Variants in VXN observed in about 807,000 individuals in gnomAD.
VXN encodes vexin, also known as uncharacterized protein C8orf46.
A neutral mutation model predicts 23.1 loss-of-function variants in VXN; 7 were observed. The observed-to-expected ratio is 0.30, with a 90% CI of 0.17 to 0.57. VXN has a LOEUF of 0.57. Ranked by LOEUF, VXN falls within the 20% of genes least tolerant of loss-of-function variation. VXN has a pLI of 0.91. For missense variants in VXN, 238 were observed against 272.6 expected, an observed-to-expected ratio of 0.87 and a Z score of 0.89; for synonymous variants, 120 against 105.8, an observed-to-expected ratio of 1.13 and a Z score of -0.83.
chr8:66,502,917 G>A (rs528309316), intron 2 of VXN, among the ~76,000 whole-genome samples: 1 of 151,216 alleles, frequency 6.6e-6, no homozygotes, highest in African/African-American at 2.4e-5. Flanking sequence ...CATGATCAAA[G>A]CTCACTACAG....
intron 4 of VXN, among the ~76,000 whole-genome samples, chr8:66,510,769 G>A (rs1263689792): frequency 1.3e-5 from 2 of 152,140 alleles, no homozygotes; most frequent in Non-Finnish European, 2.9e-5. Flanking sequence ...GTGCATGTGG[G>A]GAGAGGGAGA....
chr8:66,514,712 G>A (rs1176381421), intron 5 of VXN, among the ~76,000 whole-genome samples: 3 of 152,170 alleles, frequency 2.0e-5, no homozygotes, highest in East Asian at 1.9e-4. Flanking sequence ...TTACAGGCAT[G>A]AGCCTCCACA....
chr8:66,505,915 C>G (rs187009211), intron 3 of VXN, among the ~76,000 whole-genome samples: 6 of 152,304 alleles, frequency 3.9e-5, no homozygotes, highest in African/African-American at 1.4e-4. Flanking sequence ...CTCAGCCTCC[C>G]TGGGACTACA....
At chr8:66,502,943 C>T (rs561669586) in intron 2 of VXN, among the ~76,000 whole-genome samples, 7 of 151,698 alleles carry the variant, frequency 4.6e-5, no homozygotes, top group African/African-American at 1.5e-4. Flanking sequence ...ACCTCCTGGG[C>T]TCAGGTGATC....
At chr8:66,495,268 T>TA (rs1586514034) in intron 1 of VXN, among the ~76,000 whole-genome samples, 1 of 152,240 alleles carries the variant, frequency 6.6e-6, no homozygotes, top group East Asian at 1.9e-4. Context: ...ATGAAAATGT[T>TA]ACATGTGTTT....
At position 66,516,163 on chromosome 8, in the gene VXN, C is replaced by A; in HGVS notation, c.*87C>A. 8.1e-7 allele frequency: 1 copy of A among 1,236,132 alleles called. No individual in the cohort carries two copies. Among genetic ancestry groups the A allele is most frequent in the Non-Finnish European group, 1.1e-6 (1 of 911,608 alleles). The allele number at this position is 1,236,132 out of a possible 1,614,324, so 76.6% of individuals were successfully genotyped here. A position where few individuals can be genotyped will look rare whatever the true frequency, so the allele number is the denominator to read the frequency against. ...CAGGATTGAAACTGAGCCACACGCACCTCTGCTAGTAGCTGGTCCAAACCC... is the reference window on the plus strand; with the variant it reads ...CAGGATTGAAACTGAGCCACACGCAACTCTGCTAGTAGCTGGTCCAAACCC... On this transcript the variant is annotated 3_prime_UTR_variant, in exon 6 of 6. Coordinates refer to ENST00000305454, the MANE Select transcript of VXN (RefSeq NM_152765.4).
At chr8:66,511,430 A>G (rs1424963285) in intron 4 of VXN, among the ~76,000 whole-genome samples, 1 of 152,236 alleles carries the variant, frequency 6.6e-6, no homozygotes, top group South Asian at 2.1e-4. Flanking sequence ...GACCTAATCC[A>G]GGGAATCTCA....
Position 66,505,529 on chromosome 8 carries a change from G to T in VXN, c.280+1G>T. 1 of 1,500,204 alleles carries T rather than the reference G, an allele frequency of 6.7e-7. No homozygotes were observed. The allele number at this position is 1,500,204 out of a possible 1,614,324, so 92.9% of individuals were successfully genotyped here. A position where few individuals can be genotyped will look rare whatever the true frequency, so the allele number is the denominator to read the frequency against. On this transcript the variant is annotated splice_donor_variant, in intron 3 of 5. Transcript: ENST00000305454. LOFTEE classifies it high-confidence loss of function. ...CCGGCCAAAGCCTCTGCCAGACCCGGTACGTGAGTCCCGGCCCCAGCTCCC... is the reference window on the plus strand; with the variant it reads ...CCGGCCAAAGCCTCTGCCAGACCCGTTACGTGAGTCCCGGCCCCAGCTCCC...
chr8:66,496,848 A>G (rs1191471326), intron 2 of VXN, among the ~76,000 whole-genome samples: 1 of 151,858 alleles, frequency 6.6e-6, no homozygotes, highest in African/African-American at 2.4e-5. Flanking sequence ...CCATTTTTTT[A>G]CTATTATTAA....
At chr8:66,514,428 T>C (rs1433365538) in intron 5 of VXN, 17 of 152,106 alleles carry the variant, frequency 1.1e-4, no homozygotes, top group Admixed American at 1.1e-3. Context: ...GAGAATTAAT[T>C]TTTTGGTTTT....
chr8:66,504,532 C>T (rs1378709326), intron 2 of VXN, among the ~76,000 whole-genome samples: 1 of 152,032 alleles, frequency 6.6e-6, no homozygotes, highest in Non-Finnish European at 1.5e-5. Flanking sequence ...CTATTTGTCT[C>T]AAGTTTTTAC....
At chr8:66,507,732 A>G (rs984915443) in intron 3 of VXN, among the ~76,000 whole-genome samples, 9 of 147,926 alleles carry the variant, frequency 6.1e-5, no homozygotes, top group African/African-American at 2.2e-4. Flanking sequence ...AGAGAGAGAG[A>G]CTGAGCTGGG....
chr8:66,497,064 T>C (rs1024286990), intron 2 of VXN, among the ~76,000 whole-genome samples: 3 of 152,180 alleles, frequency 2.0e-5, no homozygotes, highest in South Asian at 2.1e-4. Context: ...TTTTGTATTT[T>C]AGTAGAGACG....
chr8:66,504,137 T>G (rs1184490389), intron 2 of VXN, among the ~76,000 whole-genome samples: 1 of 151,908 alleles, frequency 6.6e-6, no homozygotes, highest in Non-Finnish European at 1.5e-5. Context: ...CTCCCCATTC[T>G]CCCTCCCCAC....
At chr8:66,515,181 G>A (rs1807872936) in intron 5 of VXN, among the ~76,000 whole-genome samples, 1 of 152,184 alleles carries the variant, frequency 6.6e-6, no homozygotes, top group African/African-American at 2.4e-5. Flanking sequence ...CATGACAGAG[G>A]CCAACCTTTC....
intron 1 of VXN, among the ~76,000 whole-genome samples, chr8:66,495,388 A>G (rs1265261077): frequency 6.6e-6 from 1 of 152,252 alleles, no homozygotes; most frequent in Non-Finnish European, 1.5e-5. Flanking sequence ...TGGGCAAGCT[A>G]CTTAACCTCT....
At chr8:66,510,343 G>T in intron 4 of VXN, 186 bp downstream of exon 4, 1 of 556,758 alleles carries the variant, frequency 1.8e-6, no homozygotes. Flanking sequence ...TACCCTTGTG[G>T]AATATCCCTG....
intron 4 of VXN, among the ~76,000 whole-genome samples, chr8:66,512,283 C>T (rs753549231): frequency 6.6e-6 from 1 of 152,160 alleles, no homozygotes; most frequent in Middle Eastern, 3.4e-3. Context: ...GGGAACAAGT[C>T]CTTTCACCCA....
chr8:66,510,113 A>C lies in VXN; in HGVS notation c.298A>C (p.Lys100Gln). The change falls in exon 4 of 6, where the codon AAA (lysine) becomes CAA (glutamine). Residue 100 changes from lysine (K) to glutamine (Q), a missense_variant. Transcript: ENST00000305454. ...CATTGCAGTGGGGATTTCTGAACCC[A>C]AAACATCAAATCTGTGTGGGAATCG... is the stretch of plus-strand genomic sequence containing the variant. ...SARPVGISEPKTSNLCGNRAY... is the reference protein window; with the variant it reads ...SARPVGISEPQTSNLCGNRAY... 1 of 1,613,972 alleles carries C rather than the reference A, an allele frequency of 6.2e-7. No individual in the cohort carries two copies.
Sources: allele counts gnomAD v4.1 joint callset (sites outside exome capture counted in the v4.1 genomes callset), GRCh38; gene constraint gnomAD v4.1.1; transcripts MANE v1.5; gene names NCBI Gene and HGNC (gene_info 2026-07-23, HGNC 2026-07-21).